The following THNSL2 variants were observed in gnomAD, a reference collection of about 807,000 sequenced individuals.
The protein encoded by THNSL2 is threonine synthase-like 2.
THNSL2 carries 34 observed loss-of-function variants against 40.0 expected under a neutral mutation model. That is an observed-to-expected ratio of 0.85 (90% CI 0.65 to 1.13). The LOEUF (loss-of-function observed/expected upper bound fraction) is 1.13, where lower values mean the gene tolerates loss of function less well. Among genes scored for constraint, THNSL2 ranks in the 50% most tolerant of loss-of-function variants. THNSL2 has a pLI of 0.00. For synonymous variants in THNSL2, 241 were observed against 247.5 expected (o/e 0.97, Z 0.25); for missense variants, 537 against 608.8 (o/e 0.88, Z 1.24).
rs1156338687 is a variant in THNSL2 at position 88,186,471 on chromosome 2, A to T, written c.*348A>T. ...AGGACCCCAGACCTGTGAAGGTGGG[A>T]GCAGCTCACCACCTTCACGCAGGCT... On this transcript the variant is annotated 3_prime_UTR_variant, in exon 9 of 9. Transcript: ENST00000674334. 1 of 280,838 alleles carries T rather than the reference A, an allele frequency of 3.6e-6. No individual in the cohort carries two copies. The highest frequency in any genetic ancestry group is 6.9e-6 in the Non-Finnish European group (1 of 143,924). The allele number at this position is 280,838 out of a possible 1,614,324, so 17.4% of individuals were successfully genotyped here. A position where few individuals can be genotyped will look rare whatever the true frequency, so the allele number is the denominator to read the frequency against.
chr2:88,175,554 G>C, intron 4 of THNSL2, 153 bp downstream of exon 4: 1 of 919,398 alleles, frequency 1.1e-6, no homozygotes, highest in Non-Finnish European at 1.6e-6. Flanking sequence ...CCTTGGCTCA[G>C]CTCTGGGCAG....
At chr2:88,185,792 C>CG in intron 8 of THNSL2, 106 bp from the exon 9 acceptor site, 1 of 1,538,392 alleles carries the variant, frequency 6.5e-7, no homozygotes, top group Non-Finnish European at 8.8e-7. Flanking sequence ...TCCATACCCC[C>CG]CCATCCCTAA....
intron 7 of THNSL2, among the ~76,000 whole-genome samples, chr2:88,184,781 G>GA (rs70958945): frequency 0.66 from 100,270 of 151,468 alleles, 33,721 homozygotes; most frequent in Middle Eastern, 0.8. Flanking sequence ...AAAAAGAAAA[G>GA]AAAAAAAATC....
Position 88,186,430 on chromosome 2 carries a change from A to C in THNSL2, c.*307A>C. The C allele has an allele frequency of 2.9e-6, 1 of 344,918 alleles. No individual in the cohort carries two copies. Among genetic ancestry groups the C allele is most frequent in the South Asian group, 3.0e-5 (1 of 33,752 alleles). 21.4% of individuals were successfully genotyped at this position (344,918 alleles called of 1,614,324 possible). A position where few individuals can be genotyped will look rare whatever the true frequency, so the allele number is the denominator to read the frequency against. On this transcript the variant is annotated 3_prime_UTR_variant, in exon 9 of 9. Coordinates refer to ENST00000674334, the MANE Select transcript of THNSL2 (RefSeq NM_018271.5). Reference sequence around the variant, plus strand: ...AAGAGGCTTGGGCACAGGACTGACCATGGCTCCAGGGGTTTAGGACCCCAG... The same window carrying C: ...AAGAGGCTTGGGCACAGGACTGACCCTGGCTCCAGGGGTTTAGGACCCCAG...
chr2:88,178,821 A>T lies in THNSL2; in HGVS notation c.610A>T (p.Thr204Ser). Reference sequence around the variant, plus strand: ...CGATGAGCTCGATGAGCCGATCAAGACTGTGTTTGCCGATGTGGCTTTTGT... The same window carrying T: ...CGATGAGCTCGATGAGCCGATCAAGTCTGTGTTTGCCGATGTGGCTTTTGT... ...NSDELDEPIK[T>S]VFADVAFVKK... is the part of the protein sequence containing the mutation. The change falls in exon 5 of 9, where the codon ACT becomes TCT. Residue 204 changes from threonine (T) to serine (S), a missense_variant. Physicochemically the swap from Thr to Ser is moderately conservative, Grantham distance 58. Transcript: ENST00000674334. 6.2e-7 allele frequency: 1 copy of T among 1,613,994 alleles called. No homozygotes were observed. The highest frequency in any genetic ancestry group is 8.5e-7 in the Non-Finnish European group (1 of 1,179,958).
At chr2:88,182,669 G>A in intron 5 of THNSL2, 30 bp from the exon 6 acceptor site, 1 of 1,483,454 alleles carries the variant, frequency 6.7e-7, no homozygotes, top group Non-Finnish European at 9.0e-7. Context: ...TTTCTAAAAA[G>A]CCATTGTTCT....
In THNSL2 at chr2:88,185,349, G is replaced by A. The variant is rs368972090; in HGVS notation, c.1099G>A (p.Val367Met). The A allele has an allele frequency of 5.9e-5, 95 of 1,613,698 alleles. 2 individuals carry two copies. In the African/African-American group the frequency reaches 6.8e-4, roughly 12 times the overall value. The change falls in exon 8 of 9, where the codon GTG (valine) becomes ATG (methionine). Residue 367 changes from valine to methionine, a missense_variant. Val to Met is a conservative substitution (Grantham distance 21). Coordinates refer to ENST00000674334, the MANE Select transcript of THNSL2 (RefSeq NM_018271.5). ...TCAGCTTTCAGAGGCAGTGACATCC[G>A]TGTCAGTGTCGGATGAAGCCATCAC... ...HSKLSEAVTS[V>M]SVSDEAITQT...
At chr2:88,173,062 C>A in intron 1 of THNSL2, 77 bp from the exon 2 acceptor site, 2 of 990,906 alleles carry the variant, frequency 2.0e-6, no homozygotes, top group East Asian at 2.5e-5. Flanking sequence ...AACTGTGAGA[C>A]TGTGTGTGCT....
At chr2:88,185,671 A>G in intron 8 of THNSL2, 192 bp downstream of exon 8, 15 of 1,551,588 alleles carry the variant, frequency 9.7e-6, no homozygotes, top group Non-Finnish European at 1.3e-5. Flanking sequence ...AGGGACAGCC[A>G]TGGTCAGAGG....
intron 1 of THNSL2, chr2:88,172,847 T>C: frequency 4.0e-6 from 1 of 249,146 alleles, no homozygotes; most frequent in Non-Finnish European, 7.6e-6. Flanking sequence ...AGGCCTTCTT[T>C]CTCATTGGTG....
In THNSL2 at chr2:88,178,799, T is replaced by C. The variant is rs1374477257; in HGVS notation, c.588T>C (p.Asp196=). 2 of 1,613,866 alleles carry C rather than the reference T, an allele frequency of 1.2e-6. No individual in the cohort carries two copies. The highest frequency in any genetic ancestry group is 1.3e-5 in the African/African-American group (1 of 75,016). The change falls in exon 5 of 9, where the codon GAT becomes GAC. Residue 196 remains aspartate (D), a synonymous_variant. Transcript: ENST00000674334. ...CCCTGGCAGTGGAGGGAAACAGCGA[T>C]GAGCTCGATGAGCCGATCAAGACTG... is the stretch of plus-strand genomic sequence containing the variant. ...VHVFGVEGNS[D]ELDEPIKTVF...
intron 7 of THNSL2, chr2:88,183,703 A>G (rs922340437): frequency 6.8e-6 from 1 of 147,434 alleles, no homozygotes; most frequent in African/African-American, 2.5e-5. Flanking sequence ...GAGAAATTTT[A>G]TTCCCTTGGA....
At chr2:88,172,967 T>C (rs2104121295) in intron 1 of THNSL2, 172 bp from the exon 2 acceptor site, 1 of 426,214 alleles carries the variant, frequency 2.3e-6, no homozygotes, top group East Asian at 3.4e-5. Flanking sequence ...TACACAGTTG[T>C]AGATGAAGCT....
At chr2:88,184,533 G>A (rs1041658136) in intron 7 of THNSL2, among the ~76,000 whole-genome samples, 2 of 152,070 alleles carry the variant, frequency 1.3e-5, no homozygotes, top group Non-Finnish European at 2.9e-5. Context: ...GGGAGGCTGA[G>A]GCAGGCGGAT....
chr2:88,172,895 C>T (rs1039803615), intron 1 of THNSL2: 14 of 337,614 alleles, frequency 4.1e-5, no homozygotes, highest in African/African-American at 2.5e-4. Flanking sequence ...TGCTCCGATA[C>T]CCTCTCCCTG....
At chr2:88,174,499 A>G in intron 2 of THNSL2, 140 bp from the exon 3 acceptor site, 3 of 803,246 alleles carry the variant, frequency 3.7e-6, no homozygotes, top group South Asian at 4.1e-5. Context: ...TTACAATTGT[A>G]TTCAAAAATG....
Position 88,185,404 on chromosome 2 carries a change from A to G in THNSL2, c.1154A>G (p.Asn385Ser). The G allele has an allele frequency of 6.2e-7, 1 of 1,614,064 alleles. No homozygotes were observed. Among genetic ancestry groups the G allele is most frequent in the South Asian group, 1.1e-5 (1 of 91,070 alleles). The change falls in exon 8 of 9, where the codon AAC becomes AGC. Residue 385 changes from asparagine (N) to serine (S), a missense_variant. Transcript: ENST00000674334. Reference protein sequence around the residue: ...TQTMGRCWDENQYLLCPHSAV... With the variant: ...TQTMGRCWDESQYLLCPHSAV... Reference sequence around the variant, plus strand: ...ACCATGGGCCGCTGCTGGGATGAGAACCAGTACTTGCTGTGCCCCCACTCA... The same window carrying G: ...ACCATGGGCCGCTGCTGGGATGAGAGCCAGTACTTGCTGTGCCCCCACTCA...
Position 88,175,272 on chromosome 2 carries a change from GC to G in THNSL2, c.443del (p.Ala148ValfsTer31). Reference sequence around the variant, plus strand: ...AGGAACATCTGGGGACACAGGAAGTGCTGCCATTGAGAGTGTTCAAGGGGCA... The same window carrying G: ...AGGAACATCTGGGGACACAGGAAGTGTGCCATTGAGAGTGTTCAAGGGGCA... ...VVGTSGDTGS[A>X]AIESVQGAKN... On this transcript the variant is annotated frameshift_variant, in exon 4 of 9. Transcript: ENST00000674334. LOFTEE classifies it high-confidence loss of function. 2 of 1,614,200 alleles carry G rather than the reference GC, an allele frequency of 1.2e-6. No individual in the cohort carries two copies. Among genetic ancestry groups the G allele is most frequent in the East Asian group, 2.2e-5 (1 of 44,886 alleles).
chr2:88,181,573 C>CTGTG (rs138449577), intron 5 of THNSL2, among the ~76,000 whole-genome samples: 14 of 119,790 alleles, frequency 1.2e-4, no homozygotes, highest in African/African-American at 1.9e-4. Context: ...CTCTCTCTTG[C>CTGTG]TGTGTGTGTG....
Sources: allele counts gnomAD v4.1 joint callset (sites outside exome capture counted in the v4.1 genomes callset), GRCh38; gene constraint gnomAD v4.1.1; transcripts MANE v1.5; gene names NCBI Gene and HGNC (gene_info 2026-07-23, HGNC 2026-07-21).